Variants in GALNTL6 observed in about 807,000 individuals in gnomAD.
GALNTL6 encodes polypeptide N-acetylgalactosaminyltransferase like 6, also known as polypeptide N-acetylgalactosaminyltransferase-like 6.
In GALNTL6, 46 loss-of-function variants were observed where a neutral mutation model predicts 73.7. The ratio of observed to expected loss-of-function variants is 0.62; its 90% CI spans 0.49 to 0.80. The LOEUF is 0.80. GALNTL6 is among the 30% of genes least tolerant of loss of function. The pLI is 0.00. For missense variants in GALNTL6, 604 were observed against 755.0 expected, an observed-to-expected ratio of 0.80 and a Z score of 2.34; for synonymous variants, 259 against 263.7, an observed-to-expected ratio of 0.98 and a Z score of 0.17.
At chr4:172,376,137 C>T (rs922175649) in intron 5 of GALNTL6, among the ~76,000 whole-genome samples, 1 of 152,116 alleles carries the variant, frequency 6.6e-6, no homozygotes, top group Non-Finnish European at 1.5e-5. Context: ...GATTAGTGAG[C>T]CCAGGTGCCT....
intron 5 of GALNTL6, among the ~76,000 whole-genome samples, chr4:172,533,288 C>T (rs1290899748): frequency 4.9e-5 from 7 of 143,140 alleles, no homozygotes; most frequent in African/African-American, 1.8e-4. Context: ...GCTGAGATTA[C>T]AGGCGTGAGC....
At chr4:172,155,492 T>G (rs1347807491) in intron 2 of GALNTL6, among the ~76,000 whole-genome samples, 2 of 152,168 alleles carry the variant, frequency 1.3e-5, no homozygotes, top group African/African-American at 4.8e-5. Context: ...GCTACTGAGT[T>G]TATGGCATTT....
intron 2 of GALNTL6, among the ~76,000 whole-genome samples, chr4:172,206,932 C>T (rs1323843101): frequency 6.7e-6 from 1 of 150,280 alleles, no homozygotes; most frequent in African/African-American, 2.5e-5. Context: ...ATTCTCGTGC[C>T]TCAGCCTCCC....
chr4:172,537,132 TA>T (rs1423729434), intron 5 of GALNTL6, among the ~76,000 whole-genome samples: 1 of 152,154 alleles, frequency 6.6e-6, no homozygotes, highest in African/African-American at 2.4e-5. Context: ...TGAGAGTTTG[TA>T]TTTGGACTTT....
intron 3 of GALNTL6, among the ~76,000 whole-genome samples, chr4:172,272,279 G>T (rs1001374857): frequency 6.6e-6 from 1 of 152,100 alleles, no homozygotes; most frequent in Non-Finnish European, 1.5e-5. Flanking sequence ...GTTTAATGAG[G>T]ATAATATATA....
chr4:171,918,124 T>C (rs1737680211), intron 2 of GALNTL6, among the ~76,000 whole-genome samples: 1 of 152,126 alleles, frequency 6.6e-6, no homozygotes, highest in African/African-American at 2.4e-5. Context: ...TTGTGCTGAT[T>C]TCATAGAACA....
At chr4:172,617,819 C>A (rs1411306252) in intron 5 of GALNTL6, among the ~76,000 whole-genome samples, 1 of 152,104 alleles carries the variant, frequency 6.6e-6, no homozygotes. Flanking sequence ...GTGGGTGTAA[C>A]CTTCAAAAGA....
At chr4:172,280,468 G>A (rs1739004235) in intron 3 of GALNTL6, among the ~76,000 whole-genome samples, 1 of 151,706 alleles carries the variant, frequency 6.6e-6, no homozygotes, top group Non-Finnish European at 1.5e-5. Context: ...TTATACAGTT[G>A]GTATAGAGAA....
intron 7 of GALNTL6, among the ~76,000 whole-genome samples, chr4:172,836,316 C>G (rs114604038): frequency 6.6e-6 from 1 of 152,342 alleles, no homozygotes; most frequent in African/African-American, 2.4e-5. Flanking sequence ...AGAGCACGAT[C>G]TCACAAGCTG....
chr4:172,398,411 C>T (rs1026669577), intron 5 of GALNTL6, among the ~76,000 whole-genome samples: 3 of 152,050 alleles, frequency 2.0e-5, no homozygotes, highest in African/African-American at 7.2e-5. Flanking sequence ...GAAGTGAGTG[C>T]TATCCTTTTT....
chr4:172,047,411 A>G (rs1318113686), intron 2 of GALNTL6, among the ~76,000 whole-genome samples: 3 of 152,176 alleles, frequency 2.0e-5, no homozygotes, highest in African/African-American at 4.8e-5. Context: ...ACTGCACACC[A>G]CTGACCAAAC....
At chr4:172,549,326 T>C (rs1735878998) in intron 5 of GALNTL6, among the ~76,000 whole-genome samples, 1 of 152,180 alleles carries the variant, frequency 6.6e-6, no homozygotes, top group African/African-American at 2.4e-5. Context: ...TTTCTGACAC[T>C]CTTACCACAT....
chr4:172,732,635 A>C (rs546552853), intron 5 of GALNTL6, among the ~76,000 whole-genome samples: 1 of 152,202 alleles, frequency 6.6e-6, no homozygotes, highest in Admixed American at 6.5e-5. Flanking sequence ...CTTTTGGCTT[A>C]AATTATTGTC....
intron 2 of GALNTL6, among the ~76,000 whole-genome samples, chr4:171,824,825 T>A (rs1237472799): frequency 6.6e-6 from 1 of 151,730 alleles, no homozygotes; most frequent in African/African-American, 2.4e-5. Context: ...ATGTTTAACT[T>A]CTTCTTTCAC....
At chr4:172,552,078 AAATTTTACT>A in intron 5 of GALNTL6, among the ~76,000 whole-genome samples, 1 of 152,280 alleles carries the variant, frequency 6.6e-6, no homozygotes, top group East Asian at 1.9e-4. Context: ...ACCCCAGAAT[AAATTTTACT>A]AATTTAGCCT....
At chr4:172,320,389 A>G (rs540761399) in intron 4 of GALNTL6, among the ~76,000 whole-genome samples, 5 of 152,272 alleles carry the variant, frequency 3.3e-5, no homozygotes, top group African/African-American at 1.2e-4. Context: ...TTTGCCTGAG[A>G]GAGAAGCAAG....
At chr4:172,640,281 G>C (rs1017210516) in intron 5 of GALNTL6, among the ~76,000 whole-genome samples, 3 of 151,986 alleles carry the variant, frequency 2.0e-5, no homozygotes, top group Non-Finnish European at 4.4e-5. Flanking sequence ...TACTACCAAA[G>C]GAAACATTCT....
At position 172,158,580 on chromosome 4, in the gene GALNTL6, C is replaced by T. The variant is rs142053708; in HGVS notation, c.139-71076C>T. Among the ~76,000 whole-genome samples, 33 of 152,234 alleles carry T rather than the reference C, an allele frequency of 2.2e-4. No individual in the cohort carries two copies. In the East Asian group the frequency reaches 6.4e-3, roughly 29 times the overall value. The stretch of plus-strand genomic sequence containing the variant: ...ATGAGCTGTATTTTTAATTGACAGT[C>T]ACTGATCCAACAGAGACTTTCTCTT... On this transcript the variant is annotated intron_variant, in intron 2 of 12. Coordinates refer to ENST00000506823, the MANE Select transcript of GALNTL6 (RefSeq NM_001034845.3).
intron 8 of GALNTL6, among the ~76,000 whole-genome samples, chr4:172,917,772 G>A (rs1747598906): frequency 6.6e-6 from 1 of 152,212 alleles, no homozygotes; most frequent in Non-Finnish European, 1.5e-5. Context: ...AGGTTGTGGA[G>A]AAATAGGAAC....
Sources: allele counts gnomAD v4.1 joint callset (sites outside exome capture counted in the v4.1 genomes callset), GRCh38; gene constraint gnomAD v4.1.1; transcripts MANE v1.5; gene names NCBI Gene and HGNC (gene_info 2026-07-23, HGNC 2026-07-21).